The following PCGF3 variants were observed in gnomAD, a reference collection of about 807,000 sequenced individuals.
The protein encoded by PCGF3 is polycomb group ring finger 3.
In PCGF3, 7 loss-of-function variants were observed where a neutral mutation model predicts 33.1. That is an observed-to-expected ratio of 0.21 (90% CI 0.12 to 0.40). The LOEUF (loss-of-function observed/expected upper bound fraction) is 0.40. Among genes scored for constraint, PCGF3 ranks in the 10% least tolerant of loss-of-function variants. The probability of loss-of-function intolerance (pLI) is 1.00; values close to 1 mark genes in which losing one functional copy is unlikely to be tolerated. For missense variants in PCGF3, 211 were observed against 313.3 expected, an observed-to-expected ratio of 0.67 and a Z score of 2.46; for synonymous variants, 153 against 121.3, an observed-to-expected ratio of 1.26 and a Z score of -1.72.
rs901403012 is a variant in PCGF3 at position 721,564 on chromosome 4, C to A, written c.-189-9066C>A. 6.6e-6 allele frequency among the ~76,000 whole-genome samples: 1 copy of A among 152,028 alleles called. No individual in the cohort carries two copies. The highest frequency in any genetic ancestry group is 1.5e-5 in the Non-Finnish European group (1 of 67,976). ...GGGCGAGGCGAGGGCAGAGTGCACT[C>A]GCTGGGGGTCACCCTGCCCCCCAGG... On this transcript the variant is annotated intron_variant, in intron 1 of 10. Coordinates refer to ENST00000362003, the Ensembl canonical transcript of PCGF3. This position sits in a 1 kb window ranked among gnomAD's most constrained non-coding sequence, Gnocchi z 4.1.
At chr4:766,552 T>C (rs1745384159) in exon 11 of PCGF3, 1 of 152,716 alleles carries the variant, frequency 6.5e-6, no homozygotes, top group Non-Finnish European at 1.5e-5. Context: ...TATGTTGCCT[T>C]TAGCTTCTTG....
intron 1 of PCGF3, chr4:723,985 C>G (rs1743224193): frequency 6.6e-6 from 1 of 152,410 alleles, no homozygotes; most frequent in South Asian, 2.1e-4. Flanking sequence ...CTCCCTTCCC[C>G]AGCAGCTGTG....
intron 1 of PCGF3, among the ~76,000 whole-genome samples, chr4:724,815 A>G (rs1014837688): frequency 6.6e-6 from 1 of 152,028 alleles, no homozygotes; most frequent in Non-Finnish European, 1.5e-5. Context: ...CACACAAAAA[A>G]TTAGTTGGGT....
chr4:722,761 G>GC (rs1349240098), intron 1 of PCGF3, among the ~76,000 whole-genome samples: 3 of 46,674 alleles, frequency 6.4e-5, no homozygotes, highest in Admixed American at 4.3e-4. Flanking sequence ...TCGCGACATC[G>GC]CCATCCACGC....
At chr4:724,549 G>C (rs543757986) in intron 1 of PCGF3, among the ~76,000 whole-genome samples, 1 of 152,154 alleles carries the variant, frequency 6.6e-6, no homozygotes, top group Admixed American at 6.5e-5. Context: ...ATTCTTGGCC[G>C]GGCACGGTGG....
At chr4:714,121 A>G (rs114176004) in intron 1 of PCGF3, among the ~76,000 whole-genome samples, 2 of 152,246 alleles carry the variant, frequency 1.3e-5, no homozygotes, top group African/African-American at 4.8e-5. Context: ...CTGTCATTTG[A>G]GGACACGAGA....
intron 6 of PCGF3, among the ~76,000 whole-genome samples, chr4:740,993 C>T (rs750699892): frequency 9.2e-5 from 14 of 152,206 alleles, no homozygotes; most frequent in Non-Finnish European, 1.6e-4. Context: ...CAGGGCTGCA[C>T]TTCGAAGCCG....
intron 9 of PCGF3, 66 bp downstream of exon 9, chr4:761,482 A>T (rs959792590): frequency 2.7e-6 from 4 of 1,472,172 alleles, no homozygotes; most frequent in Non-Finnish European, 3.6e-6. Context: ...TAACTCCAAG[A>T]TTCTTTGCTT....
At chr4:731,383 G>A in intron 3 of PCGF3, 1 of 389,194 alleles carries the variant, frequency 2.6e-6, no homozygotes, top group Non-Finnish European at 4.5e-6. Flanking sequence ...TCGCTGAGGA[G>A]CAGTGCTGCT....
intron 8 of PCGF3, among the ~76,000 whole-genome samples, chr4:756,105 G>A (rs1047307963): frequency 1.3e-5 from 2 of 151,714 alleles, no homozygotes; most frequent in African/African-American, 4.8e-5. Flanking sequence ...AGTAGAGACG[G>A]GGTTTCTCCA....
At chr4:722,686 C>T (rs1396941863) in intron 1 of PCGF3, among the ~76,000 whole-genome samples, 1 of 118,858 alleles carries the variant, frequency 8.4e-6, no homozygotes, top group Non-Finnish European at 1.7e-5. Flanking sequence ...GGTCCACACT[C>T]GCGTCATCAC....
At chr4:733,285 C>G (rs1179445150) in intron 3 of PCGF3, among the ~76,000 whole-genome samples, 1 of 152,244 alleles carries the variant, frequency 6.6e-6, no homozygotes, top group Non-Finnish European at 1.5e-5. Flanking sequence ...CCTCATCCCA[C>G]CCGGCAGCTC....
chr4:748,751 G>A (rs142155529), intron 8 of PCGF3, among the ~76,000 whole-genome samples: 22 of 152,250 alleles, frequency 1.4e-4, no homozygotes, highest in African/African-American at 4.6e-4. Context: ...GTGGCTTGGC[G>A]GCTCTCCTGG....
At chr4:732,357 C>T (rs1418065666) in intron 3 of PCGF3, 3 of 154,252 alleles carry the variant, frequency 1.9e-5, no homozygotes, top group Middle Eastern at 7.0e-3. Flanking sequence ...TTCCCTTCCC[C>T]TCCCCTCCCT....
intron 6 of PCGF3, among the ~76,000 whole-genome samples, chr4:741,139 C>A (rs1744073676): frequency 1.3e-5 from 2 of 152,242 alleles, no homozygotes; most frequent in Non-Finnish European, 2.9e-5. Flanking sequence ...CCAGCAATAT[C>A]CCCACTCACA....
chr4:766,323 T>G (rs535174531), exon 11 of PCGF3: 1 of 456,134 alleles, frequency 2.2e-6, no homozygotes, highest in African/African-American at 2.0e-5. Context: ...ACCCCGTGCT[T>G]CAGCCTTGCA....
At chr4:734,705 T>A in intron 4 of PCGF3, 1 of 1,345,946 alleles carries the variant, frequency 7.4e-7, no homozygotes, top group Non-Finnish European at 9.5e-7. Flanking sequence ...TTCCTAACCC[T>A]GCCTCTTTGA....
chr4:733,926 C>T lies in PCGF3; in HGVS notation c.109+137C>T, dbSNP rs1302180792. Reference sequence around the variant, plus strand: ...CAGGAACCAGGACCAGGGGCAGAGACGATCTTGAAGATAAGTCAGAAAAGT... The same window carrying T: ...CAGGAACCAGGACCAGGGGCAGAGATGATCTTGAAGATAAGTCAGAAAAGT... On this transcript the variant is annotated intron_variant, in intron 4 of 10. Coordinates refer to ENST00000362003, the Ensembl canonical transcript of PCGF3. 4.5e-6 allele frequency: 7 copies of T among 1,562,654 alleles called. No individual in the cohort carries two copies. In the South Asian group the frequency reaches 4.6e-5, roughly 10 times the overall value.
At chr4:730,741 T>C (rs1216953884) in intron 2 of PCGF3, 73 bp downstream of exon 2, 9 of 325,092 alleles carry the variant, frequency 2.8e-5, no homozygotes, top group Non-Finnish European at 5.0e-5. Flanking sequence ...GGACCACGCT[T>C]TGTGCATGTG....
Sources: gnomAD v4.1 joint callset for allele counts (sites outside exome capture counted in the v4.1 genomes callset) on GRCh38, gnomAD v4.1.1 for gene constraint, Gnocchi (gnomAD v3.1) non-coding constraint, MANE v1.5 for transcripts, NCBI Gene and HGNC (gene_info 2026-07-23, HGNC 2026-07-21) for gene names.